PHTF1: variants seen among roughly 807,000 people sequenced by gnomAD.
The protein encoded by PHTF1 is protein PHTF1.
A neutral mutation model predicts 102.4 loss-of-function variants in PHTF1; 88 were observed. That is an observed-to-expected ratio of 0.86 (90% CI 0.72 to 1.03). The LOEUF (loss-of-function observed/expected upper bound fraction) is 1.03. PHTF1 is among the 50% of genes least tolerant of loss of function. PHTF1 has a pLI of 0.00. For synonymous variants in PHTF1, 289 were observed against 305.2 expected (o/e 0.95, Z 0.55); for missense variants, 814 against 909.5 (o/e 0.89, Z 1.35).
chr1:113,697,591 G>A lies in PHTF1; in HGVS notation c.*114C>T. The A allele has an allele frequency of 6.9e-6, 5 of 729,750 alleles. No individual in the cohort carries two copies. The highest frequency in any genetic ancestry group is 9.7e-6 in the Non-Finnish European group (4 of 410,286). The allele number at this position is 729,750 out of a possible 1,614,324, so 45.2% of individuals were successfully genotyped here. On this transcript the variant is annotated 3_prime_UTR_variant, in exon 19 of 19. Transcript: ENST00000369604. ...TTCATTCGCTTTGGCAGAGCTGAGA[G>A]CACCTGTGCATGTGAACAAGCAGGT...
At chr1:113,703,805 T>TA (rs1649709389) in intron 15 of PHTF1, 1 of 376,480 alleles carries the variant, frequency 2.7e-6, no homozygotes, top group African/African-American at 2.0e-5. Flanking sequence ...AGGAATAATG[T>TA]AGTCAGAAAA....
At position 113,757,190 on chromosome 1, in the gene PHTF1, C is replaced by A. The variant is rs531769696; in HGVS notation, c.102+509G>T. Among the ~76,000 whole-genome samples, 765 of 151,952 alleles carry A rather than the reference C, an allele frequency of 5.0e-3. 4 individuals are homozygous for A. Among genetic ancestry groups the A allele is most frequent in the African/African-American group, 0.018 (737 of 41,422 alleles). On this transcript the variant is annotated intron_variant, in intron 3 of 18. Transcript: ENST00000369604. ...TCAAAAACAAAACAAAACAAAAAAA[C>A]AAACAAAAACACATACTCTAAGCCA...
chr1:113,713,467 A>C (rs112050245), intron 7 of PHTF1, 29 bp from the exon 8 acceptor site: 9 of 1,312,548 alleles, frequency 6.9e-6, no homozygotes, highest in Admixed American at 2.2e-5. Context: ...AAAGAAGATT[A>C]ATTTTTTGAA....
In PHTF1 at chr1:113,705,884, A is replaced by C. The variant is rs1571090415; in HGVS notation, c.1671+6T>G. On this transcript the variant is annotated splice_donor_region_variant and intron_variant, in intron 13 of 18. Coordinates refer to ENST00000369604, the MANE Select transcript of PHTF1 (RefSeq NM_001323043.2). ...GGTAAAAAATTTTCCTTATTTCTCC[A>C]CTGACCTGTTTATATGTTCTCTCTG... is the stretch of plus-strand genomic sequence containing the variant. 1 of 1,609,506 alleles carries C rather than the reference A, an allele frequency of 6.2e-7. No homozygotes were observed. Among genetic ancestry groups the C allele is most frequent in the Non-Finnish European group, 8.5e-7 (1 of 1,178,268 alleles).
chr1:113,752,276 TTTC>T (rs1290579676), intron 3 of PHTF1, among the ~76,000 whole-genome samples: 21 of 152,240 alleles, frequency 1.4e-4, no homozygotes, highest in Non-Finnish European at 2.9e-4. Flanking sequence ...ATAAAATTGT[TTTC>T]TTAATTTTAT....
chr1:113,744,716 G>A (rs185270701), intron 3 of PHTF1, among the ~76,000 whole-genome samples: 1 of 152,312 alleles, frequency 6.6e-6, no homozygotes, highest in Non-Finnish European at 1.5e-5. Flanking sequence ...TTGGGAGGCT[G>A]AGGCAGGCAG....
chr1:113,731,692 G>C (rs561155253), intron 5 of PHTF1, among the ~76,000 whole-genome samples: 1 of 151,294 alleles, frequency 6.6e-6, no homozygotes, highest in Admixed American at 6.6e-5. Flanking sequence ...TCAGGAGTTC[G>C]AGACCAGCCT....
In PHTF1 at chr1:113,704,810, TA is replaced by T. The variant is rs1293314460; in HGVS notation, c.1672-14del. The T allele has an allele frequency of 1.2e-5, 18 of 1,549,246 alleles. No individual in the cohort carries two copies. The highest frequency in any genetic ancestry group is 1.4e-5 in the Non-Finnish European group (16 of 1,135,946). On this transcript the variant is annotated splice_polypyrimidine_tract_variant and intron_variant, in intron 13 of 18. Transcript: ENST00000369604. ...CAAATAAAAATCTCTAGAAGAGATT[TA>T]AAAAAAATCACAGTGAAATGTATGT...
intron 3 of PHTF1, among the ~76,000 whole-genome samples, chr1:113,747,680 T>C (rs1657444629): frequency 6.6e-6 from 1 of 152,224 alleles, no homozygotes. Context: ...AAGTTCAAAA[T>C]ATATCAGTGG....
At position 113,710,256 on chromosome 1, in the gene PHTF1, G is replaced by T; in HGVS notation, c.1267C>A (p.Gln423Lys). ...KRDPKEDVFQ[Q>K]NHLFWLQNSS... is the part of the protein sequence containing the mutation. ...ATTCTTATCATGTCTGCACAGACCTGCTGAAAAACATCCTCTTTGGGGTCA... is the reference window on the plus strand; with the variant it reads ...ATTCTTATCATGTCTGCACAGACCTTCTGAAAAACATCCTCTTTGGGGTCA... Residue 423 changes from glutamine to lysine, a missense_variant and splice_region_variant, in exon 11 of 19, where the codon CAG becomes AAG. By Grantham distance (53) the Gln-to-Lys change is moderately conservative. Transcript: ENST00000369604. The T allele has an allele frequency of 6.2e-7, 1 of 1,609,440 alleles. No homozygotes were observed. Among genetic ancestry groups the T allele is most frequent in the Non-Finnish European group, 8.5e-7 (1 of 1,176,862 alleles).
chr1:113,712,784 A>T lies in PHTF1; in HGVS notation c.783+495T>A, dbSNP rs1004447756. On this transcript the variant is annotated intron_variant, in intron 8 of 18. Transcript: ENST00000369604. ...CTGCTAAGGCTGGATAACTCACAAA[A>T]TTTTTTTTTTTTTTTTTTTTGAGAC... 1.1e-4 allele frequency among the ~76,000 whole-genome samples: 14 copies of T among 131,462 alleles called. 1 individual carries two copies. Among genetic ancestry groups the T allele is most frequent in the East Asian group, 2.1e-4 (1 of 4,674 alleles). The allele number at this position is 131,462 out of a possible 152,430, so 86.2% of individuals were successfully genotyped here.
chr1:113,749,424 G>T (rs938761561), intron 3 of PHTF1: 1 of 152,184 alleles, frequency 6.6e-6, no homozygotes, highest in Non-Finnish European at 1.5e-5. Flanking sequence ...TTGACGAAAA[G>T]AAATTCCAGT....
intron 5 of PHTF1, among the ~76,000 whole-genome samples, chr1:113,729,658 G>C (rs1013850017): frequency 6.6e-6 from 1 of 152,060 alleles, no homozygotes; most frequent in Non-Finnish European, 1.5e-5. Context: ...GCTATTCATT[G>C]TGGGCCCCTT....
In PHTF1 at chr1:113,701,054, T is replaced by G. The variant is rs539898979; in HGVS notation, c.1891-105A>C. 942 of 815,768 alleles carry G rather than the reference T, an allele frequency of 1.2e-3. 19 individuals are homozygous for G. The South Asian group carries it at 0.014, about 12-fold the overall frequency. 50.5% of individuals were successfully genotyped at this position (815,768 alleles called of 1,614,324 possible). A position where few individuals can be genotyped will look rare whatever the true frequency, so the allele number is the denominator to read the frequency against. ...AGAACATTTCCAAAAATCCAATATTTTAATACTGAAAGCAGAAGAGCTTTA... is the reference window on the plus strand; with the variant it reads ...AGAACATTTCCAAAAATCCAATATTGTAATACTGAAAGCAGAAGAGCTTTA... On this transcript the variant is annotated intron_variant, in intron 15 of 18. Coordinates refer to ENST00000369604, the MANE Select transcript of PHTF1 (RefSeq NM_001323043.2).
chr1:113,712,196 A>T, intron 8 of PHTF1, 83 bp from the exon 9 acceptor site: 1 of 1,098,082 alleles, frequency 9.1e-7, no homozygotes, highest in Middle Eastern at 2.1e-4. Context: ...AAAAAAAATC[A>T]TACAAAAACT....
intron 2 of PHTF1, 143 bp from the exon 3 acceptor site, chr1:113,757,898 T>C (rs1332698748): frequency 1.6e-6 from 1 of 628,106 alleles, no homozygotes; most frequent in Admixed American, 2.8e-5. Context: ...AATAAATCAA[T>C]ACTTCGAAGG....
chr1:113,716,884 T>C (rs910334254), intron 7 of PHTF1, among the ~76,000 whole-genome samples: 1 of 152,164 alleles, frequency 6.6e-6, no homozygotes, highest in Non-Finnish European at 1.5e-5. Context: ...CAAAACTCAT[T>C]AGTAATAGTA....
rs1649369979 is a variant in PHTF1 at position 113,700,933 on chromosome 1, TTA to T, written c.1905_1906del (p.His635GlnfsTer6). ...GTTATAAGCATCATTCAGGAAAGTTTTATGTCCTTGGAGAACCTATACAAAGG... is the reference window on the plus strand; with the variant it reads ...GTTATAAGCATCATTCAGGAAAGTTTTGTCCTTGGAGAACCTATACAAAGG... On this transcript the variant is annotated frameshift_variant, in exon 16 of 19. Transcript: ENST00000369604. LOFTEE classifies it high-confidence loss of function. 6.2e-7 allele frequency: 1 copy of T among 1,610,334 alleles called. No homozygotes were observed. The highest frequency in any genetic ancestry group is 8.5e-7 in the Non-Finnish European group (1 of 1,178,930).
Position 113,710,374 on chromosome 1 carries a change from C to T in PHTF1, c.1149G>A (p.Trp383Ter). Residue 383 changes from tryptophan to a stop codon, truncating the protein, a stop_gained, in exon 11 of 19, where the codon TGG becomes TGA. Coordinates refer to ENST00000369604, the MANE Select transcript of PHTF1 (RefSeq NM_001323043.2). LOFTEE classifies it high-confidence loss of function. ...ACTCTGGGCCATGTAGCAGGTCGTC[C>T]CATAACATGTCCTCAGTCTCCGAGT... ...RHDSETEDMLWDDLLHGPECR... is the reference protein window; with the variant it reads ...RHDSETEDML The T allele has an allele frequency of 1.2e-6, 2 of 1,614,130 alleles. No homozygotes were observed. Among genetic ancestry groups the T allele is most frequent in the Non-Finnish European group, 1.7e-6 (2 of 1,179,984 alleles).
Sources: gnomAD v4.1 joint callset for allele counts (sites outside exome capture counted in the v4.1 genomes callset) on GRCh38, gnomAD v4.1.1 for gene constraint, MANE v1.5 for transcripts, NCBI Gene and HGNC (gene_info 2026-07-23, HGNC 2026-07-21) for gene names.